KIF27: variants seen among roughly 807,000 people sequenced by gnomAD.
The protein encoded by KIF27 is kinesin-like protein KIF27.
In KIF27, 84 loss-of-function variants were observed where a neutral mutation model predicts 141.8. The observed-to-expected ratio is 0.59, with a 90% CI of 0.50 to 0.71. The LOEUF is 0.71. Ranked by LOEUF, KIF27 falls within the 30% of genes least tolerant of loss-of-function variation. KIF27 has a pLI of 0.00. For synonymous variants in KIF27, 471 were observed against 569.5 expected (o/e 0.83, Z 2.46); for missense variants, 1,306 against 1,628.4 (o/e 0.80, Z 3.41).
intron 15 of KIF27, among the ~76,000 whole-genome samples, 198 bp downstream of exon 15, chr9:83,853,431 T>C (rs1367493578): frequency 1.3e-5 from 2 of 152,206 alleles, no homozygotes; most frequent in Non-Finnish European, 2.9e-5. Flanking sequence ...CTCACAAAGT[T>C]AGGCCTACAT....
chr9:83,906,032 T>C (rs1954487177), intron 3 of KIF27, among the ~76,000 whole-genome samples: 1 of 152,258 alleles, frequency 6.6e-6, no homozygotes, highest in Non-Finnish European at 1.5e-5. Context: ...AGAGTGATGG[T>C]GAAGTGTATA....
intron 11 of KIF27, among the ~76,000 whole-genome samples, chr9:83,877,193 C>CT (rs1032396040): frequency 1.4e-4 from 21 of 151,236 alleles, no homozygotes; most frequent in South Asian, 1.3e-3. Context: ...AGCATTTTGG[C>CT]TTTTTTTTTG....
intron 2 of KIF27, among the ~76,000 whole-genome samples, chr9:83,911,820 C>T (rs1241880012): frequency 6.6e-6 from 1 of 152,114 alleles, no homozygotes; most frequent in Non-Finnish European, 1.5e-5. Context: ...AGTGAGCCAC[C>T]ACGCCTGGCC....
intron 6 of KIF27, among the ~76,000 whole-genome samples, chr9:83,889,504 C>A (rs1952460950): frequency 6.6e-6 from 1 of 152,174 alleles, no homozygotes. Flanking sequence ...TCTTCACTTA[C>A]AGAAAACAGT....
At chr9:83,908,711 C>T (rs1356353995) in intron 2 of KIF27, 59 bp from the exon 3 acceptor site, 1 of 1,048,166 alleles carries the variant, frequency 9.5e-7, no homozygotes, top group Non-Finnish European at 1.4e-6. Flanking sequence ...AAGCTACAAC[C>T]CCAAATTTAT....
intron 16 of KIF27, chr9:83,847,755 G>GA (rs1294311407): frequency 6.6e-6 from 1 of 151,962 alleles, no homozygotes; most frequent in African/African-American, 2.4e-5. Flanking sequence ...ATAAGAAGGT[G>GA]AGACTGGCCT....
intron 6 of KIF27, among the ~76,000 whole-genome samples, chr9:83,890,003 C>A (rs1044659795): frequency 6.6e-6 from 1 of 152,004 alleles, no homozygotes; most frequent in Non-Finnish European, 1.5e-5. Flanking sequence ...TTCCTCTGCA[C>A]CATCTCTGTA....
intron 11 of KIF27, 123 bp from the exon 12 acceptor site, chr9:83,870,755 G>A: frequency 2.1e-6 from 3 of 1,412,086 alleles, no homozygotes; most frequent in Non-Finnish European, 2.8e-6. Context: ...CTGTCACCCA[G>A]GCTGGAGTGC....
At chr9:83,872,387 T>C (rs1950870250) in intron 11 of KIF27, among the ~76,000 whole-genome samples, 1 of 152,222 alleles carries the variant, frequency 6.6e-6, no homozygotes, top group African/African-American at 2.4e-5. Flanking sequence ...ATGTTGTCCA[T>C]CACTAAAGCT....
intron 13 of KIF27, among the ~76,000 whole-genome samples, chr9:83,862,207 T>C (rs1949990147): frequency 6.6e-6 from 1 of 152,024 alleles, no homozygotes; most frequent in Admixed American, 6.5e-5. Flanking sequence ...ATTTTGGCTT[T>C]TGTTGCCATT....
At chr9:83,848,655 G>C (rs1333935584) in intron 16 of KIF27, 1 of 150,086 alleles carries the variant, frequency 6.7e-6, no homozygotes. Flanking sequence ...AGAGATCCTT[G>C]ATTAATACAG....
intron 5 of KIF27, among the ~76,000 whole-genome samples, chr9:83,899,398 A>T (rs1260786349): frequency 6.6e-6 from 1 of 152,248 alleles, no homozygotes; most frequent in Non-Finnish European, 1.5e-5. Context: ...AAAAGTATGG[A>T]AAAATAACCA....
chr9:83,880,805 A>G (rs530116938), intron 10 of KIF27, among the ~76,000 whole-genome samples: 1 of 152,360 alleles, frequency 6.6e-6, no homozygotes, highest in South Asian at 2.1e-4. Flanking sequence ...TTAAAACAGT[A>G]TAAAACTGAA....
chr9:83,842,390 C>T lies in KIF27; in HGVS notation c.3568G>A (p.Glu1190Lys). The T allele has an allele frequency of 6.6e-7, 1 of 1,510,928 alleles. No homozygotes were observed. Among genetic ancestry groups the T allele is most frequent in the Non-Finnish European group, 8.8e-7 (1 of 1,135,184 alleles). 93.6% of individuals were successfully genotyped at this position (1,510,928 alleles called of 1,614,324 possible). Residue 1190 changes from glutamate to lysine, a missense_variant, in exon 17 of 18, where the codon GAA becomes AAA. Physicochemically the swap from Glu to Lys is moderately conservative, Grantham distance 56. This residue lies in a region of KIF27 where 596 missense variants were observed against 751.6 expected (regional missense o/e 0.79). Coordinates refer to ENST00000297814, the MANE Select transcript of KIF27 (RefSeq NM_017576.4). Reference sequence around the variant, plus strand: ...GTTTTGAAAGTTTCCATAATGCCTTCTCCATCTTGTTCTATACAACAAAAA... The same window carrying T: ...GTTTTGAAAGTTTCCATAATGCCTTTTCCATCTTGTTCTATACAACAAAAA... ...LLHHFKEQDG[E>K]GIMETFKTYE...
intron 2 of KIF27, among the ~76,000 whole-genome samples, chr9:83,911,927 G>A (rs1955208576): frequency 6.6e-6 from 1 of 152,118 alleles, no homozygotes; most frequent in Non-Finnish European, 1.5e-5. Context: ...TGCTTAATGG[G>A]TACATAGCTT....
intron 15 of KIF27, among the ~76,000 whole-genome samples, chr9:83,853,234 T>C (rs954039050): frequency 2.0e-5 from 3 of 152,016 alleles, no homozygotes; most frequent in African/African-American, 7.3e-5. Flanking sequence ...CAGATTCCCC[T>C]ACCCTGCAGC....
intron 7 of KIF27, 79 bp downstream of exon 7, chr9:83,889,005 A>G (rs1952402638): frequency 6.8e-7 from 1 of 1,462,110 alleles, no homozygotes; most frequent in African/African-American, 1.4e-5. Context: ...ATATACTCCA[A>G]TGGAAAAAAC....
intron 13 of KIF27, among the ~76,000 whole-genome samples, chr9:83,864,415 C>T (rs1341468744): frequency 6.6e-6 from 1 of 152,124 alleles, no homozygotes; most frequent in African/African-American, 2.4e-5. Context: ...TTATTTCTGC[C>T]TTCATTTCAT....
chr9:83,846,692 C>A (rs34966106), intron 16 of KIF27, among the ~76,000 whole-genome samples: 6 of 152,332 alleles, frequency 3.9e-5, no homozygotes, highest in African/African-American at 1.2e-4. Flanking sequence ...GCACCACCCA[C>A]CATCACCCCT....
Sources: gnomAD v4.1 joint callset for allele counts (sites outside exome capture counted in the v4.1 genomes callset) on GRCh38, gnomAD v4.1.1 for gene constraint, gnomAD v4.1.1 regional missense constraint, MANE v1.5 for transcripts, NCBI Gene and HGNC (gene_info 2026-07-23, HGNC 2026-07-21) for gene names.